The following PKP4 variants were observed in gnomAD, a reference collection of about 807,000 sequenced individuals.
The protein encoded by PKP4 is plakophilin 4.
In PKP4, 90 loss-of-function variants were observed where a neutral mutation model predicts 145.1. The observed-to-expected ratio is 0.62, with a 90% CI of 0.52 to 0.74. PKP4 has a LOEUF of 0.74. Ranked by LOEUF, PKP4 falls within the 30% of genes least tolerant of loss-of-function variation. The probability of loss-of-function intolerance (pLI) is 0.00; values close to 1 mark genes in which losing one functional copy is unlikely to be tolerated. For synonymous variants in PKP4, 563 were observed against 577.2 expected, an observed-to-expected ratio of 0.98 and a Z score of 0.35; for missense variants, 1,340 against 1,482.7, an observed-to-expected ratio of 0.90 and a Z score of 1.58.
chr2:158,545,421 C>T (rs75084344), intron 2 of PKP4, among the ~76,000 whole-genome samples: 595 of 152,248 alleles, frequency 3.9e-3, no homozygotes, highest in Non-Finnish European at 7.2e-3. Context: ...TCATAAACCG[C>T]TGAAGGTCAG....
At chr2:158,646,184 T>C (rs968857535) in intron 11 of PKP4, among the ~76,000 whole-genome samples, 1 of 152,222 alleles carries the variant, frequency 6.6e-6, no homozygotes, top group African/African-American at 2.4e-5. Context: ...TAAGAAACAA[T>C]TTTTTGCCAT....
intron 4 of PKP4, among the ~76,000 whole-genome samples, chr2:158,605,498 C>G (rs773300903): frequency 6.6e-6 from 1 of 152,060 alleles, no homozygotes; most frequent in Non-Finnish European, 1.5e-5. Context: ...CCTAACAGGA[C>G]GTTAGTACAG....
At chr2:158,501,484 C>G (rs1696555178) in intron 1 of PKP4, among the ~76,000 whole-genome samples, 1 of 152,234 alleles carries the variant, frequency 6.6e-6, no homozygotes, top group Non-Finnish European at 1.5e-5. Flanking sequence ...TCTCCCTACC[C>G]TGCACAGCCT....
At chr2:158,668,451 C>T (rs912864821) in intron 16 of PKP4, among the ~76,000 whole-genome samples, 1 of 152,224 alleles carries the variant, frequency 6.6e-6, no homozygotes, top group Non-Finnish European at 1.5e-5. Flanking sequence ...ACTACATACT[C>T]AACTGAGTGG....
chr2:158,601,482 G>A (rs2050222721), intron 3 of PKP4, among the ~76,000 whole-genome samples: 1 of 152,200 alleles, frequency 6.6e-6, no homozygotes, highest in Non-Finnish European at 1.5e-5. Context: ...GAAATTCAGT[G>A]TGCAGAACCA....
At chr2:158,630,479 A>G (rs1282210250) in intron 7 of PKP4, among the ~76,000 whole-genome samples, 1 of 152,236 alleles carries the variant, frequency 6.6e-6, no homozygotes, top group African/African-American at 2.4e-5. Flanking sequence ...AACAATGATA[A>G]ATAGTATTTC....
chr2:158,659,112 T>G (rs932160968), intron 12 of PKP4: 1 of 152,296 alleles, frequency 6.6e-6, no homozygotes, highest in African/African-American at 2.4e-5. Flanking sequence ...CTGTTTAACA[T>G]CTAGCATCAC....
At chr2:158,660,786 C>T (rs2056494178) in intron 12 of PKP4, 1 of 152,032 alleles carries the variant, frequency 6.6e-6, no homozygotes, top group Non-Finnish European at 1.5e-5. Flanking sequence ...TTATATGTTT[C>T]CTCTGTTCAT....
chr2:158,518,356 C>A (rs978247845), intron 1 of PKP4, among the ~76,000 whole-genome samples: 1 of 152,232 alleles, frequency 6.6e-6, no homozygotes, highest in East Asian at 1.9e-4. Flanking sequence ...AAGATCACAT[C>A]TGCCACATTC....
rs144866707 is a variant in PKP4, at chr2:158,642,601, A to G, written c.1811A>G (p.Asp604Gly). Residue 604 changes from aspartate (D) to glycine (G), a missense_variant, in exon 11 of 22, where the codon GAT becomes GGT. By Grantham distance (94) the Asp-to-Gly change is moderately conservative. Coordinates refer to ENST00000389759, the MANE Select transcript of PKP4 (RefSeq NM_003628.6). Reference sequence around the variant, plus strand: ...AACCTCGTTTTTGGCAAGTCTACAGATGAAAATAAAATAGCAATGAAGAAT... The same window carrying G: ...AACCTCGTTTTTGGCAAGTCTACAGGTGAAAATAAAATAGCAATGAAGAAT... The part of the protein sequence containing the change: ...LRNLVFGKST[D>G]ENKIAMKNVG... 4.6e-3 allele frequency: 7,484 copies of G among 1,613,828 alleles called. 29 individuals carry two copies. The highest frequency in any genetic ancestry group is 5.3e-3 in the Non-Finnish European group (6,291 of 1,179,744).
rs571733467 is a variant in PKP4, at chr2:158,531,496, T to C, written c.-5-1684T>C. Reference sequence around the variant, plus strand: ...CTAATCTAGGATCTTTGTGTAGCATTTTTTTCCTTTATAGACCTTAGATCT... The same window carrying C: ...CTAATCTAGGATCTTTGTGTAGCATCTTTTTCCTTTATAGACCTTAGATCT... On this transcript the variant is annotated intron_variant, in intron 1 of 21. Transcript: ENST00000389759. Among the ~76,000 whole-genome samples, 5 of 152,336 alleles carry C rather than the reference T, an allele frequency of 3.3e-5. No individual in the cohort carries two copies. In the South Asian group the frequency reaches 8.3e-4, roughly 25 times the overall value.
At chr2:158,594,307 A>G (rs2049529908) in intron 3 of PKP4, among the ~76,000 whole-genome samples, 4 of 152,126 alleles carry the variant, frequency 2.6e-5, no homozygotes, top group Non-Finnish European at 1.5e-5. Context: ...TAACCTCGAT[A>G]TCACCCTCAG....
At position 158,635,143 on chromosome 2, in the gene PKP4, T is replaced by G. The variant is rs187397833; in HGVS notation, c.1562+854T>G. ...CTGGAAAATTGTTATAATTATCAAT[T>G]CATTTTTAGCAGCCTACCAACTTGT... On this transcript the variant is annotated intron_variant, in intron 9 of 21. Coordinates refer to ENST00000389759, the MANE Select transcript of PKP4 (RefSeq NM_003628.6). Among the ~76,000 whole-genome samples the G allele has an allele frequency of 9.2e-3, 1,405 of 152,316 alleles. 7 individuals are homozygous for G. Among genetic ancestry groups the G allele is most frequent in the Non-Finnish European group, 0.015 (1,003 of 68,026 alleles).
chr2:158,521,872 C>A (rs1166077734), intron 1 of PKP4, among the ~76,000 whole-genome samples: 1 of 152,134 alleles, frequency 6.6e-6, no homozygotes, highest in Non-Finnish European at 1.5e-5. Flanking sequence ...ATATTTTGTT[C>A]ATCTAATGCT....
chr2:158,523,468 G>A (rs371959393), intron 1 of PKP4, among the ~76,000 whole-genome samples: 3,356 of 53,190 alleles, frequency 0.063, 188 homozygotes, highest in Middle Eastern at 0.15. Context: ...CATCCACACC[G>A]AAAACCCATC....
intron 11 of PKP4, among the ~76,000 whole-genome samples, chr2:158,651,366 T>C (rs909496571): frequency 6.6e-6 from 1 of 152,044 alleles, no homozygotes; most frequent in Admixed American, 6.6e-5. Flanking sequence ...GGCACTTCCC[T>C]TCCCTTTTGG....
chr2:158,487,884 G>T (rs897769290), intron 1 of PKP4, among the ~76,000 whole-genome samples: 9 of 151,998 alleles, frequency 5.9e-5, no homozygotes, highest in African/African-American at 2.2e-4. Context: ...GCTCTTTGGG[G>T]AATAAATATA....
Position 158,680,445 on chromosome 2 carries a change from A to G in PKP4, c.3347A>G (p.Tyr1116Cys). The G allele has an allele frequency of 1.9e-6, 3 of 1,610,474 alleles. No homozygotes were observed. The highest frequency in any genetic ancestry group is 1.7e-6 in the Non-Finnish European group (2 of 1,178,436). ...NRRLQHQQLY[Y>C]SQDDSNRKNF... ...TGTCAACAGCATCAACAGCTGTATTATAGTCAAGATGACTCCAACAGAAAG... is the reference window on the plus strand; with the variant it reads ...TGTCAACAGCATCAACAGCTGTATTGTAGTCAAGATGACTCCAACAGAAAG... The change falls in exon 22 of 22, where the codon TAT becomes TGT. Residue 1116 changes from tyrosine to cysteine, a missense_variant. Tyr to Cys is a radical substitution (Grantham distance 194). Coordinates refer to ENST00000389759, the MANE Select transcript of PKP4 (RefSeq NM_003628.6).
intron 17 of PKP4, among the ~76,000 whole-genome samples, chr2:158,671,413 A>G (rs912152306): frequency 6.6e-6 from 1 of 152,152 alleles, no homozygotes; most frequent in Non-Finnish European, 1.5e-5. Context: ...GAGTGGAACC[A>G]TAATCACTTA....
Sources: allele counts gnomAD v4.1 joint callset (sites outside exome capture counted in the v4.1 genomes callset), GRCh38; gene constraint gnomAD v4.1.1; transcripts MANE v1.5; gene names NCBI Gene and HGNC (gene_info 2026-07-23, HGNC 2026-07-21).